NFIB: variants seen among roughly 807,000 people sequenced by gnomAD.
NFIB encodes nuclear factor 1 B-type.
A neutral mutation model predicts 61.5 loss-of-function variants in NFIB; 11 were observed. The observed-to-expected ratio is 0.18, with a 90% CI of 0.11 to 0.30. The LOEUF (loss-of-function observed/expected upper bound fraction) is 0.30. NFIB is among the 10% of genes least tolerant of loss of function. The probability of loss-of-function intolerance (pLI) is 1.00; values close to 1 mark genes in which losing one functional copy is unlikely to be tolerated. For synonymous variants in NFIB, 260 were observed against 216.5 expected, an observed-to-expected ratio of 1.20 and a Z score of -1.76; for missense variants, 471 against 608.9, an observed-to-expected ratio of 0.77 and a Z score of 2.38.
intron 2 of NFIB, among the ~76,000 whole-genome samples, chr9:14,182,367 A>G (rs754812243): frequency 6.6e-6 from 1 of 152,136 alleles, no homozygotes; most frequent in Non-Finnish European, 1.5e-5. Context: ...TGTGTCTCAG[A>G]AACATAGGAG....
chr9:14,118,043 A>G (rs1352074726), intron 8 of NFIB, among the ~76,000 whole-genome samples: 1 of 152,242 alleles, frequency 6.6e-6, no homozygotes, highest in East Asian at 1.9e-4. Flanking sequence ...TTTGAAATGC[A>G]AATTAATTGG....
the NFIB span, among the ~76,000 whole-genome samples, chr9:14,513,484 C>T: frequency 4.6e-5 from 7 of 151,674 alleles, no homozygotes; most frequent in African/African-American, 9.7e-5. Flanking sequence ...AAAAATTAGC[C>T]GGGTGTGGTA....
In NFIB at chr9:14,367,546, T is replaced by C. The variant is rs183370175; in HGVS notation, c.108+30978A>G. On this transcript the variant is annotated intron_variant, in intron 1 of 8. Transcript: ENST00000380934. The stretch of plus-strand genomic sequence containing the variant: ...GTGTTCCTCCATGAATATGGGTGTG[T>C]ATTTTCGTTGATAGGGAAATGCTGA... Among the ~76,000 whole-genome samples the C allele has an allele frequency of 1.2e-4, 18 of 152,252 alleles. 1 individual carries two copies. The highest frequency in any genetic ancestry group is 1.1e-3 in the Admixed American group (17 of 15,286).
intron 6 of NFIB, among the ~76,000 whole-genome samples, chr9:14,137,550 G>T (rs910423989): frequency 1.3e-5 from 2 of 152,022 alleles, no homozygotes; most frequent in Non-Finnish European, 2.9e-5. Flanking sequence ...ACAAATCTTA[G>T]TATACAACTT....
intron 2 of NFIB, among the ~76,000 whole-genome samples, chr9:14,194,650 G>A (rs1376677130): frequency 6.6e-6 from 1 of 152,062 alleles, no homozygotes; most frequent in Non-Finnish European, 1.5e-5. Context: ...TTATGCCATA[G>A]GAATAGATAA....
At chr9:14,198,731 T>C (rs1452799449) in intron 2 of NFIB, among the ~76,000 whole-genome samples, 1 of 152,208 alleles carries the variant, frequency 6.6e-6, no homozygotes, top group Non-Finnish European at 1.5e-5. Context: ...CCGCACATTG[T>C]TCTCAGCCAG....
the NFIB span, among the ~76,000 whole-genome samples, chr9:14,471,860 C>T: frequency 6.6e-6 from 1 of 152,202 alleles, no homozygotes; most frequent in Non-Finnish European, 1.5e-5. Flanking sequence ...GGAATAATTG[C>T]CCCTGAAGAG....
chr9:14,327,281 C>T (rs2060766554), intron 1 of NFIB, among the ~76,000 whole-genome samples: 1 of 152,128 alleles, frequency 6.6e-6, no homozygotes, highest in African/African-American at 2.4e-5. Flanking sequence ...TGTTAATTCC[C>T]CTATATTCAA....
intron 1 of NFIB, among the ~76,000 whole-genome samples, chr9:14,375,733 C>T (rs1197688474): frequency 6.6e-6 from 1 of 151,950 alleles, no homozygotes; most frequent in Non-Finnish European, 1.5e-5. Context: ...CACGGCCACA[C>T]TTAGCTGCAA....
chr9:14,390,589 A>G (rs1291565263), intron 1 of NFIB, among the ~76,000 whole-genome samples: 1 of 152,254 alleles, frequency 6.6e-6, no homozygotes, highest in Admixed American at 6.5e-5. Flanking sequence ...CCCAAAATTC[A>G]TATGTTGAAA....
intron 2 of NFIB, among the ~76,000 whole-genome samples, chr9:14,226,871 G>A (rs1158670274): frequency 6.6e-6 from 1 of 152,082 alleles, no homozygotes; most frequent in African/African-American, 2.4e-5. Flanking sequence ...CAGGCACGGT[G>A]GTGCACACCT....
At chr9:14,479,857 A>G in the NFIB span, among the ~76,000 whole-genome samples, 1 of 152,118 alleles carries the variant, frequency 6.6e-6, no homozygotes, top group Non-Finnish European at 1.5e-5. Context: ...AACAAAACCC[A>G]TTTCCAACAA....
chr9:14,389,639 AG>A (rs1386964420), intron 1 of NFIB, among the ~76,000 whole-genome samples: 2 of 152,164 alleles, frequency 1.3e-5, no homozygotes, highest in Non-Finnish European at 1.5e-5. Context: ...TATCCAAAAA[AG>A]TTACTCTTTC....
At chr9:14,460,551 G>C in the NFIB span, among the ~76,000 whole-genome samples, 1 of 151,822 alleles carries the variant, frequency 6.6e-6, no homozygotes, top group Admixed American at 6.6e-5. Flanking sequence ...GTTGCAGATA[G>C]TTAGATCTTA....
Position 14,116,203 on chromosome 9 carries a change from C to G in NFIB, c.1384+5G>C. Reference sequence around the variant, plus strand: ...TACTGGTTGCTGTAGGTGAAGCTGCCTCACCTTCAGTGGATGTAGTGATGG... The same window carrying G: ...TACTGGTTGCTGTAGGTGAAGCTGCGTCACCTTCAGTGGATGTAGTGATGG... On this transcript the variant is annotated splice_donor_5th_base_variant and intron_variant, in intron 9 of 10. Transcript: ENST00000380953. The G allele has an allele frequency of 2.7e-6, 4 of 1,495,244 alleles. No individual in the cohort carries two copies. Among genetic ancestry groups the G allele is most frequent in the Non-Finnish European group, 3.6e-6 (4 of 1,115,634 alleles). 92.6% of individuals were successfully genotyped at this position (1,495,244 alleles called of 1,614,324 possible).
intron 2 of NFIB, among the ~76,000 whole-genome samples, chr9:14,270,848 G>A (rs2057554150): frequency 6.6e-6 from 1 of 152,100 alleles, no homozygotes; most frequent in African/African-American, 2.4e-5. Flanking sequence ...TATGAGTTCT[G>A]GTAAATGTCA....
At chr9:14,401,296 C>A (rs1377436020), upstream of NFIB, among the ~76,000 whole-genome samples, 1 of 152,226 alleles carries the variant, frequency 6.6e-6, no homozygotes. Context: ...GTCAATCTCT[C>A]TTCTACCTGC....
At chr9:14,520,733 T>G in the NFIB span, among the ~76,000 whole-genome samples, 9 of 152,320 alleles carry the variant, frequency 5.9e-5, 1 homozygote, top group African/African-American at 2.2e-4. Context: ...ATCAATTTAG[T>G]GAGACAGCAC....
the NFIB span, among the ~76,000 whole-genome samples, chr9:14,438,943 C>A: frequency 1.8e-4 from 28 of 152,204 alleles, no homozygotes; most frequent in Non-Finnish European, 3.8e-4. Context: ...CCCCAATGAC[C>A]ACATTTTCTC....
Sources: gnomAD v4.1 joint callset for allele counts (sites outside exome capture counted in the v4.1 genomes callset) on GRCh38, gnomAD v4.1.1 for gene constraint, MANE v1.5 for transcripts, NCBI Gene and HGNC (gene_info 2026-07-23, HGNC 2026-07-21) for gene names.